The following DPP6 variants were observed in gnomAD, a reference collection of about 807,000 sequenced individuals.
The protein encoded by DPP6 is dipeptidyl peptidase like 6.
Under a neutral mutation model 122.6 loss-of-function variants are expected in DPP6, and 69 were observed. The observed-to-expected ratio is 0.56, with a 90% CI of 0.46 to 0.69. The LOEUF is 0.69. Ranked by LOEUF, DPP6 falls within the 30% of genes least tolerant of loss-of-function variation. The probability of loss-of-function intolerance (pLI) is 0.00; values close to 1 mark genes in which losing one functional copy is unlikely to be tolerated. For missense variants in DPP6, 928 were observed against 1,116.9 expected (o/e 0.83, Z 2.41); for synonymous variants, 418 against 433.1 (o/e 0.97, Z 0.43).
chr7:154,744,616 G>A (rs1587002986), intron 8 of DPP6, among the ~76,000 whole-genome samples: 1 of 152,220 alleles, frequency 6.6e-6, no homozygotes, highest in South Asian at 2.1e-4. Flanking sequence ...CTTGATGTTC[G>A]CTGATTTCTT....
At chr7:154,596,653 T>C (rs150216318) in intron 5 of DPP6, among the ~76,000 whole-genome samples, 80 of 152,208 alleles carry the variant, frequency 5.3e-4, no homozygotes, top group Non-Finnish European at 1.0e-3. Context: ...CTCGGGTATC[T>C]GGAGATGGGA....
the DPP6 span, among the ~76,000 whole-genome samples, chr7:153,853,744 T>C: frequency 6.6e-5 from 10 of 152,318 alleles, no homozygotes; most frequent in South Asian, 1.9e-3. Flanking sequence ...CAAGAAAACA[T>C]TGTTTGCTAA....
intron 8 of DPP6, among the ~76,000 whole-genome samples, chr7:154,759,894 A>T (rs185879365): frequency 6.6e-6 from 1 of 152,114 alleles, no homozygotes; most frequent in Non-Finnish European, 1.5e-5. Flanking sequence ...GAGGCCAAGG[A>T]GGGCGGATCA....
chr7:153,960,212 C>G (rs1795274652), intron 1 of DPP6, among the ~76,000 whole-genome samples: 1 of 152,118 alleles, frequency 6.6e-6, no homozygotes, highest in African/African-American at 2.4e-5. Context: ...GAGGTTTGCC[C>G]CACTGATTGA....
At chr7:154,891,575 A>G (rs1806612776) in intron 25 of DPP6, among the ~76,000 whole-genome samples, 3 of 152,150 alleles carry the variant, frequency 2.0e-5, no homozygotes, top group Non-Finnish European at 4.4e-5. Flanking sequence ...GGCACCCAGG[A>G]CAGCACGCAG....
At chr7:153,884,612 G>A (rs925998714), upstream of DPP6, among the ~76,000 whole-genome samples, 17 of 152,264 alleles carry the variant, frequency 1.1e-4, 1 homozygote, top group Admixed American at 9.8e-4. Context: ...TAACATAAAG[G>A]TTTAATCCGT....
intron 1 of DPP6, among the ~76,000 whole-genome samples, chr7:154,322,101 C>G (rs1432328613): frequency 6.6e-6 from 1 of 151,562 alleles, no homozygotes; most frequent in African/African-American, 2.4e-5. Context: ...CTCACCCTCC[C>G]CCACCTCCTC....
intron 3 of DPP6, among the ~76,000 whole-genome samples, chr7:154,503,039 TC>T (rs1220846556): frequency 6.6e-6 from 1 of 152,174 alleles, no homozygotes; most frequent in African/African-American, 2.4e-5. Flanking sequence ...CATGGACGGT[TC>T]TATGTGTGGT....
chr7:154,794,309 A>AC (rs1179162647), intron 11 of DPP6, 107 bp downstream of exon 11: 107 of 1,375,800 alleles, frequency 7.8e-5, no homozygotes, highest in Non-Finnish European at 9.7e-5. Context: ...GGACTTGGGG[A>AC]CCGGCCGCCC....
At chr7:154,141,517 AAATC>A (rs1795843655) in intron 1 of DPP6, among the ~76,000 whole-genome samples, 1 of 152,242 alleles carries the variant, frequency 6.6e-6, no homozygotes, top group African/African-American at 2.4e-5. Context: ...TTGAATGAAC[AAATC>A]AATCAATTAA....
At chr7:154,159,094 G>A (rs990331028) in intron 1 of DPP6, among the ~76,000 whole-genome samples, 4 of 152,080 alleles carry the variant, frequency 2.6e-5, no homozygotes, top group Admixed American at 2.6e-4. Context: ...GCTGAGGGAA[G>A]GGATCAGAAT....
At chr7:154,131,112 C>T (rs889947077) in intron 1 of DPP6, among the ~76,000 whole-genome samples, 10 of 152,066 alleles carry the variant, frequency 6.6e-5, no homozygotes, top group Non-Finnish European at 1.0e-4. Flanking sequence ...TAGATCTCTG[C>T]TTTCCACAAG....
At position 154,838,084 on chromosome 7, in the gene DPP6, T is replaced by C. The variant is rs192992362; in HGVS notation, c.1667-15696T>C. On this transcript the variant is annotated intron_variant, in intron 16 of 25. Coordinates refer to ENST00000377770, the MANE Select transcript of DPP6 (RefSeq NM_130797.4). ...CAGCCACGTTAGGATGCTTCTCGGGTCCTGAGGTTTGGTTGGTGGCACTCC... is the reference window on the plus strand; with the variant it reads ...CAGCCACGTTAGGATGCTTCTCGGGCCCTGAGGTTTGGTTGGTGGCACTCC... Among the ~76,000 whole-genome samples, 627 of 152,286 alleles carry C rather than the reference T, an allele frequency of 4.1e-3. 4 individuals carry two copies. The highest frequency in any genetic ancestry group is 7.2e-3 in the Non-Finnish European group (490 of 68,038).
the DPP6 span, among the ~76,000 whole-genome samples, chr7:153,808,121 A>C: frequency 6.6e-6 from 1 of 152,256 alleles, no homozygotes; most frequent in Non-Finnish European, 1.5e-5. Context: ...TGTTTTGATA[A>C]ACACATTGTG....
chr7:154,472,806 C>T (rs1822396603), intron 2 of DPP6, among the ~76,000 whole-genome samples: 1 of 152,172 alleles, frequency 6.6e-6, no homozygotes, highest in Non-Finnish European at 1.5e-5. Flanking sequence ...CATGTCCTGG[C>T]TTGAATGGAG....
At chr7:154,142,661 GATT>G (rs1462009005) in intron 1 of DPP6, among the ~76,000 whole-genome samples, 1 of 152,106 alleles carries the variant, frequency 6.6e-6, no homozygotes, top group African/African-American at 2.4e-5. Context: ...CTTCCATTGT[GATT>G]ATTCTTTTAG....
At chr7:153,802,851 G>A in the DPP6 span, among the ~76,000 whole-genome samples, 1 of 152,156 alleles carries the variant, frequency 6.6e-6, no homozygotes, top group Non-Finnish European at 1.5e-5. Context: ...GACACACCGA[G>A]GATCTGACCA....
rs184921320 is a variant in DPP6, at chr7:154,217,423, G to A, written c.243+164360G>A. ...GAAACTCAAATTTAAAGTATTAAGT[G>A]CTTTTGTCAACTGCAAATAACATGT... On this transcript the variant is annotated intron_variant, in intron 1 of 25. Transcript: ENST00000377770. Among the ~76,000 whole-genome samples the A allele has an allele frequency of 1.6e-3, 250 of 152,286 alleles. 1 individual carries two copies. Among genetic ancestry groups the A allele is most frequent in the African/African-American group, 5.6e-3 (234 of 41,556 alleles).
chr7:154,507,856 C>T (rs1257415650), intron 3 of DPP6, among the ~76,000 whole-genome samples: 2 of 152,118 alleles, frequency 1.3e-5, no homozygotes, highest in Non-Finnish European at 2.9e-5. Context: ...CCAGAATGTT[C>T]TATGCTTGGG....
Sources: allele counts gnomAD v4.1 joint callset (sites outside exome capture counted in the v4.1 genomes callset), GRCh38; gene constraint gnomAD v4.1.1; transcripts MANE v1.5; gene names NCBI Gene and HGNC (gene_info 2026-07-23, HGNC 2026-07-21).